Variants in CAPN14 observed in about 807,000 individuals in gnomAD.
The protein encoded by CAPN14 is calpain 14, also known as calpain-14.
CAPN14 carries 94 observed loss-of-function variants against 101.3 expected under a neutral mutation model. The observed-to-expected ratio is 0.93, with a 90% CI of 0.79 to 1.10. CAPN14 has a LOEUF of 1.10. Ranked by LOEUF, CAPN14 falls within the 50% of genes least tolerant of loss-of-function variation. The probability of loss-of-function intolerance (pLI) is 0.00; values close to 1 mark genes in which losing one functional copy is unlikely to be tolerated. For missense variants in CAPN14, 837 were observed against 828.4 expected (o/e 1.01, Z -0.13); for synonymous variants, 338 against 317.9 (o/e 1.06, Z -0.67).
At chr2:31,210,478 A>G (rs979402632) in intron 1 of CAPN14, among the ~76,000 whole-genome samples, 1 of 151,998 alleles carries the variant, frequency 6.6e-6, no homozygotes, top group Non-Finnish European at 1.5e-5. Context: ...AAAATAAAAT[A>G]AAATAAAATA....
At chr2:31,224,265 A>G (rs1031048209) in intron 2 of CAPN14, among the ~76,000 whole-genome samples, 3 of 152,206 alleles carry the variant, frequency 2.0e-5, no homozygotes, top group Non-Finnish European at 4.4e-5. Context: ...AACACTCAGT[A>G]CATAACACAC....
intron 1 of CAPN14, among the ~76,000 whole-genome samples, chr2:31,212,312 C>CAAAAAAAAA (rs72155600): frequency 9.1e-5 from 10 of 110,396 alleles, no homozygotes; most frequent in East Asian, 2.4e-4. Flanking sequence ...CGTCTCAAAA[C>CAAAAAAAAA]AAAAAAAAAA....
At chr2:31,198,966 C>T (rs1351339158) in intron 7 of CAPN14, among the ~76,000 whole-genome samples, 1 of 152,208 alleles carries the variant, frequency 6.6e-6, no homozygotes, top group Non-Finnish European at 1.5e-5. Context: ...ACACTCTCTT[C>T]TCTCAGTTTC....
At chr2:31,212,312 C>CAAA (rs72155600) in intron 1 of CAPN14, among the ~76,000 whole-genome samples, 3 of 110,454 alleles carry the variant, frequency 2.7e-5, no homozygotes, top group African/African-American at 1.2e-4. Flanking sequence ...CGTCTCAAAA[C>CAAA]AAAAAAAAAA....
rs1682019323 is a variant in CAPN14, at chr2:31,205,367, T to C, written c.81A>G (p.Gln27=). 6.4e-7 allele frequency: 1 copy of C among 1,551,260 alleles called. No homozygotes were observed. The highest frequency in any genetic ancestry group is 1.2e-5 in the South Asian group (1 of 84,052). ...YSRRASPQQP[Q]QDFEALLAEC... ...CTGCCAGCAGGGCCTCAAAGTCCTG[T>C]TGGGGTTGCTGTGGAGACGCCCTCC... Residue 27 remains glutamine (Q), a synonymous_variant, in exon 2 of 22, where the codon CAA becomes CAG. Coordinates refer to ENST00000403897, the MANE Select transcript of CAPN14 (RefSeq NM_001145122.2).
intron 16 of CAPN14, 74 bp from the exon 17 acceptor site, chr2:31,181,074 C>T (rs1445550663): frequency 5.5e-6 from 7 of 1,275,144 alleles, no homozygotes; most frequent in Non-Finnish European, 6.7e-6. Context: ...CAGGAAGAGG[C>T]AGTGCTGCAT....
At chr2:31,229,328 T>C (rs601288) in intron 1 of CAPN14, among the ~76,000 whole-genome samples, 26,762 of 152,124 alleles carry the variant, frequency 0.18, 2,535 homozygotes, top group Non-Finnish European at 0.21. Context: ...TTTAAAAATA[T>C]AATAAAGGAG....
At chr2:31,222,786 C>T (rs764937160) in intron 2 of CAPN14, among the ~76,000 whole-genome samples, 29 of 152,118 alleles carry the variant, frequency 1.9e-4, no homozygotes, top group Non-Finnish European at 3.2e-4. Context: ...AAAGATGTTA[C>T]GGAGTGAATG....
At chr2:31,225,622 T>G (rs1017575033) in intron 2 of CAPN14, among the ~76,000 whole-genome samples, 1 of 152,090 alleles carries the variant, frequency 6.6e-6, no homozygotes, top group Non-Finnish European at 1.5e-5. Flanking sequence ...TGACAATAAT[T>G]TTGCAAATGA....
At chr2:31,211,788 T>A (rs913846692) in intron 1 of CAPN14, among the ~76,000 whole-genome samples, 1 of 152,186 alleles carries the variant, frequency 6.6e-6, no homozygotes, top group Non-Finnish European at 1.5e-5. Context: ...TAGACTGTTC[T>A]ATATTTTTGG....
chr2:31,187,954 C>T lies in CAPN14; in HGVS notation c.1531-140G>A, dbSNP rs371359775. ...CATCGTCTTTAATTTTACACCATAG[C>T]ATTTACAAACAGCCCTTGCTTCTCC... On this transcript the variant is annotated intron_variant, in intron 14 of 21. Transcript: ENST00000403897. 1,322 of 698,778 alleles carry T rather than the reference C, an allele frequency of 1.9e-3. 18 individuals carry two copies. The highest frequency in any genetic ancestry group is 0.015 in the Middle Eastern group (63 of 4,096). 43.3% of individuals were successfully genotyped at this position (698,778 alleles called of 1,614,324 possible).
chr2:31,185,352 C>G (rs1680851216), intron 16 of CAPN14, among the ~76,000 whole-genome samples: 1 of 152,110 alleles, frequency 6.6e-6, no homozygotes, highest in South Asian at 2.1e-4. Flanking sequence ...TTATTATTTT[C>G]CAACCCACAT....
intron 12 of CAPN14, 57 bp from the exon 13 acceptor site, chr2:31,189,535 G>T: frequency 1.4e-6 from 2 of 1,385,120 alleles, no homozygotes; most frequent in Non-Finnish European, 2.0e-6. Flanking sequence ...GCTGTGGCCA[G>T]GCCTGAGGCC....
rs189301390 is a variant in CAPN14, at chr2:31,198,561, G to T, written c.789+909C>A. Among the ~76,000 whole-genome samples the T allele has an allele frequency of 9.8e-5, 15 of 152,314 alleles. No individual in the cohort carries two copies. In the East Asian group the frequency reaches 2.9e-3, roughly 29 times the overall value. On this transcript the variant is annotated intron_variant, in intron 7 of 21. Coordinates refer to ENST00000403897, the MANE Select transcript of CAPN14 (RefSeq NM_001145122.2). ...TTAAACAGCATTTAGCACACAGTAAGTGCTATATAAATTTTGTTAATAAAT... is the reference window on the plus strand; with the variant it reads ...TTAAACAGCATTTAGCACACAGTAATTGCTATATAAATTTTGTTAATAAAT...
In CAPN14 at chr2:31,178,569, G is replaced by A. The variant is rs780949333; in HGVS notation, c.1721C>T (p.Ser574Leu). ...GAATTCCTGGATGCTCATAGTACCT[G>A]ATGCATTAAGCTGATTAATAGGTTA... ...GILALLDLNA[S>L]GTMSIQEFRD... Residue 574 changes from serine (S) to leucine (L), a missense_variant, in exon 18 of 22, where the codon TCA becomes TTA. Physicochemically the swap from Ser to Leu is moderately radical, Grantham distance 145. Transcript: ENST00000403897. 1 of 1,542,702 alleles carries A rather than the reference G, an allele frequency of 6.5e-7. No individual in the cohort carries two copies. Among genetic ancestry groups the A allele is most frequent in the South Asian group, 1.2e-5 (1 of 82,424 alleles).
At chr2:31,183,077 C>A (rs2148674927) in intron 16 of CAPN14, among the ~76,000 whole-genome samples, 1 of 152,302 alleles carries the variant, frequency 6.6e-6, no homozygotes, top group South Asian at 2.1e-4. Context: ...CAAAAACAAA[C>A]AATGGGGAAA....
intron 10 of CAPN14, 38 bp downstream of exon 10, chr2:31,193,093 C>G: frequency 6.5e-7 from 1 of 1,528,308 alleles, no homozygotes; most frequent in Non-Finnish European, 8.8e-7. Context: ...CCGCCCACAA[C>G]CTCACCCTGA....
intron 20 of CAPN14, 67 bp from the exon 21 acceptor site, chr2:31,176,709 C>A: frequency 1.5e-6 from 2 of 1,374,246 alleles, no homozygotes; most frequent in East Asian, 5.0e-5. Flanking sequence ...ATTAGTTCCT[C>A]CCATATGTCT....
At chr2:31,181,110 G>C in intron 16 of CAPN14, 110 bp from the exon 17 acceptor site, 1 of 794,270 alleles carries the variant, frequency 1.3e-6, no homozygotes, top group South Asian at 1.6e-5. Flanking sequence ...CACCATGTAT[G>C]TACGTGGGCT....
Sources: gnomAD v4.1 joint callset for allele counts (sites outside exome capture counted in the v4.1 genomes callset) on GRCh38, gnomAD v4.1.1 for gene constraint, MANE v1.5 for transcripts, NCBI Gene and HGNC (gene_info 2026-07-23, HGNC 2026-07-21) for gene names.